KIF21A: variants seen among roughly 807,000 people sequenced by gnomAD.
KIF21A encodes kinesin-like protein KIF21A.
Under a neutral mutation model 202.9 loss-of-function variants are expected in KIF21A, and 114 were observed. The ratio of observed to expected loss-of-function variants is 0.56; its 90% confidence interval spans 0.48 to 0.66. The LOEUF (loss-of-function observed/expected upper bound fraction) is 0.66, where lower values mean the gene tolerates loss of function less well. Ranked by LOEUF, KIF21A falls within the 30% of genes least tolerant of loss-of-function variation. The pLI, the probability that KIF21A is intolerant of heterozygous loss-of-function variation, is 0.00. For synonymous variants in KIF21A, 667 were observed against 670.8 expected (o/e 0.99, Z 0.09); for missense variants, 1,677 against 1,994.9 (o/e 0.84, Z 3.04).
At chr12:39,389,211 C>CAT (rs1555186624) in intron 1 of KIF21A, among the ~76,000 whole-genome samples, 18 of 149,970 alleles carry the variant, frequency 1.2e-4, no homozygotes, top group Admixed American at 1.0e-3. Context: ...CACACACACA[C>CAT]ATATATACAT....
intron 33 of KIF21A, among the ~76,000 whole-genome samples, chr12:39,309,001 A>T (rs1943748576): frequency 6.6e-6 from 1 of 152,136 alleles, no homozygotes; most frequent in African/African-American, 2.4e-5. Flanking sequence ...TCAATATCAC[A>T]GCAAAAAGAA....
intron 3 of KIF21A, 57 bp from the exon 4 acceptor site, chr12:39,368,089 TA>T (rs963093193): frequency 3.8e-6 from 4 of 1,041,564 alleles, no homozygotes; most frequent in Non-Finnish European, 5.9e-6. Flanking sequence ...GTAGTTGTCA[TA>T]ACAACACATT....
intron 1 of KIF21A, among the ~76,000 whole-genome samples, chr12:39,435,108 T>C (rs990219174): frequency 6.6e-6 from 1 of 152,172 alleles, no homozygotes; most frequent in African/African-American, 2.4e-5. Flanking sequence ...GTCCTTGATG[T>C]TTTTAGCCTC....
intron 6 of KIF21A, 56 bp from the exon 7 acceptor site, chr12:39,363,269 A>C (rs1949368886): frequency 2.0e-6 from 2 of 981,482 alleles, no homozygotes; most frequent in Non-Finnish European, 3.3e-6. Flanking sequence ...AATTATAACA[A>C]TTTTAAATAA....
intron 32 of KIF21A, 56 bp downstream of exon 32, chr12:39,311,361 G>T (rs1330744348): frequency 1.4e-5 from 21 of 1,499,512 alleles, no homozygotes; most frequent in Non-Finnish European, 1.7e-5. Flanking sequence ...TGTTAAAAAT[G>T]TAATTTTTTT....
intron 37 of KIF21A, 99 bp from the exon 38 acceptor site, chr12:39,294,616 G>T (rs1942120291): frequency 4.5e-6 from 4 of 887,514 alleles, no homozygotes; most frequent in Non-Finnish European, 7.3e-6. Flanking sequence ...TTCTACATAG[G>T]TCTTCAAGAA....
intron 11 of KIF21A, among the ~76,000 whole-genome samples, chr12:39,350,073 G>T (rs1948238925): frequency 6.6e-6 from 1 of 151,548 alleles, no homozygotes; most frequent in African/African-American, 2.4e-5. Context: ...TTCTTATCTG[G>T]CTCACTCACA....
chr12:39,433,995 C>T (rs1938323794), intron 1 of KIF21A, among the ~76,000 whole-genome samples: 1 of 152,086 alleles, frequency 6.6e-6, no homozygotes, highest in Non-Finnish European at 1.5e-5. Context: ...ATAACTAATC[C>T]AATTGCTAGA....
In KIF21A at chr12:39,364,174, T is replaced by C. The variant is rs556336918; in HGVS notation, c.904-961A>G. 7.9e-5 allele frequency among the ~76,000 whole-genome samples: 12 copies of C among 152,346 alleles called. No individual in the cohort carries two copies. The South Asian group carries it at 1.0e-3, about 13-fold the overall frequency. Reference sequence around the variant, plus strand: ...AGATAAACATTATCCAAAATGTTGTTCACACTGGCCATCAGTAATGCAAAC... The same window carrying C: ...AGATAAACATTATCCAAAATGTTGTCCACACTGGCCATCAGTAATGCAAAC... On this transcript the variant is annotated intron_variant, in intron 6 of 37. Coordinates refer to ENST00000361418, the MANE Select transcript of KIF21A (RefSeq NM_001173464.2).
intron 12 of KIF21A, among the ~76,000 whole-genome samples, chr12:39,345,979 T>C (rs1210965759): frequency 4.6e-5 from 7 of 152,028 alleles, no homozygotes. Flanking sequence ...TTTTGTTTGT[T>C]GTCATTTTAA....
At chr12:39,433,818 A>G (rs1454420837) in intron 1 of KIF21A, among the ~76,000 whole-genome samples, 1 of 152,200 alleles carries the variant, frequency 6.6e-6, no homozygotes, top group Non-Finnish European at 1.5e-5. Context: ...AAGCAAAAGA[A>G]AACGGGGAGA....
intron 1 of KIF21A, among the ~76,000 whole-genome samples, chr12:39,428,949 T>C (rs1448613989): frequency 2.1e-5 from 3 of 141,042 alleles, no homozygotes; most frequent in African/African-American, 8.0e-5. Flanking sequence ...AGAGAGAGAC[T>C]CCGTCTCAAA....
intron 1 of KIF21A, among the ~76,000 whole-genome samples, chr12:39,381,033 T>C (rs983375910): frequency 6.6e-6 from 1 of 152,018 alleles, no homozygotes; most frequent in Non-Finnish European, 1.5e-5. Flanking sequence ...TGGCCGGGCA[T>C]GGTGGCTCAT....
At chr12:39,295,318 T>C (rs1459405272) in intron 37 of KIF21A, among the ~76,000 whole-genome samples, 2 of 152,234 alleles carry the variant, frequency 1.3e-5, no homozygotes, top group African/African-American at 4.8e-5. Flanking sequence ...TCACATTTCT[T>C]AACATATCTC....
intron 26 of KIF21A, among the ~76,000 whole-genome samples, chr12:39,324,131 G>A (rs576679157): frequency 1.3e-5 from 2 of 151,880 alleles, no homozygotes; most frequent in South Asian, 4.2e-4. Flanking sequence ...GAAATGATAC[G>A]AGATCCTTTT....
At chr12:39,354,764 T>C (rs1948642236) in intron 10 of KIF21A, among the ~76,000 whole-genome samples, 3 of 152,172 alleles carry the variant, frequency 2.0e-5, no homozygotes, top group Admixed American at 2.0e-4. Context: ...AACTTGAGAA[T>C]TTGGACCTAA....
chr12:39,320,512 T>C (rs1429159418), intron 27 of KIF21A, among the ~76,000 whole-genome samples: 1 of 152,130 alleles, frequency 6.6e-6, no homozygotes, highest in Non-Finnish European at 1.5e-5. Context: ...ATTTAATTTG[T>C]ATCTATGTAC....
chr12:39,381,856 C>T (rs1950638365), intron 1 of KIF21A, among the ~76,000 whole-genome samples: 1 of 152,096 alleles, frequency 6.6e-6, no homozygotes, highest in Non-Finnish European at 1.5e-5. Flanking sequence ...TCTAATTAGG[C>T]AAGTGAGTCT....
At chr12:39,373,215 A>G (rs1950070644) in intron 1 of KIF21A, among the ~76,000 whole-genome samples, 1 of 152,078 alleles carries the variant, frequency 6.6e-6, no homozygotes, top group African/African-American at 2.4e-5. Flanking sequence ...GCATTAAAGG[A>G]TTTTCACTAG....
Sources: allele counts gnomAD v4.1 joint callset (sites outside exome capture counted in the v4.1 genomes callset), GRCh38; gene constraint gnomAD v4.1.1; transcripts MANE v1.5; gene names NCBI Gene and HGNC (gene_info 2026-07-23, HGNC 2026-07-21).